SNX24: variants seen among roughly 807,000 people sequenced by gnomAD.
SNX24 encodes sorting nexin-24.
Under a neutral mutation model 28.7 loss-of-function variants are expected in SNX24, and 22 were observed. That is an observed-to-expected ratio of 0.77 (90% CI 0.55 to 1.10). SNX24 has a LOEUF of 1.10. SNX24 is among the 50% of genes least tolerant of loss of function. The pLI is 0.00. For synonymous variants in SNX24, 69 were observed against 71.5 expected, an observed-to-expected ratio of 0.96 and a Z score of 0.18; for missense variants, 221 against 201.1, an observed-to-expected ratio of 1.10 and a Z score of -0.60.
At chr5:122,985,887 T>C (rs1418469017) in intron 3 of SNX24, among the ~76,000 whole-genome samples, 1 of 152,240 alleles carries the variant, frequency 6.6e-6, no homozygotes, top group Non-Finnish European at 1.5e-5. Flanking sequence ...GATACAGTGA[T>C]GATGAGGCGG....
At chr5:122,879,860 A>T (rs1437887227) in intron 1 of SNX24, among the ~76,000 whole-genome samples, 1 of 152,150 alleles carries the variant, frequency 6.6e-6, no homozygotes, top group Non-Finnish European at 1.5e-5. Flanking sequence ...TTTTATAGCT[A>T]TGTTATAGGG....
chr5:122,893,038 T>C (rs755513181), intron 1 of SNX24, among the ~76,000 whole-genome samples: 6 of 152,144 alleles, frequency 3.9e-5, no homozygotes, highest in Non-Finnish European at 7.3e-5. Flanking sequence ...AGTGCTGGGA[T>C]TACAGGCATG....
chr5:122,944,851 A>G (rs13186120), intron 2 of SNX24, among the ~76,000 whole-genome samples: 4,008 of 152,238 alleles, frequency 0.026, 70 homozygotes, highest in Non-Finnish European at 0.037. Context: ...CTTATTCATT[A>G]CTATGCTGTT....
intron 3 of SNX24, among the ~76,000 whole-genome samples, chr5:122,983,983 G>T (rs993250607): frequency 6.6e-6 from 1 of 152,170 alleles, no homozygotes; most frequent in East Asian, 1.9e-4. Context: ...ATTGATATTT[G>T]TTGCTTTACT....
downstream of SNX24, among the ~76,000 whole-genome samples, chr5:123,010,905 G>T (rs1334923018): frequency 6.6e-6 from 1 of 150,732 alleles, no homozygotes; most frequent in Admixed American, 6.6e-5. Flanking sequence ...TATATAAAGT[G>T]CTATTCTCTT....
At chr5:122,882,586 C>T (rs1756529825) in intron 1 of SNX24, among the ~76,000 whole-genome samples, 1 of 152,200 alleles carries the variant, frequency 6.6e-6, no homozygotes, top group African/African-American at 2.4e-5. Flanking sequence ...ATGCTTGGGG[C>T]TCTCTGTGTC....
Position 122,853,734 on chromosome 5 carries a change from C to T in SNX24, c.60+8041C>T, listed in dbSNP as rs187411556. 6.2e-4 allele frequency: 233 copies of T among 374,364 alleles called. 1 individual carries two copies. Among genetic ancestry groups the T allele is most frequent in the South Asian group, 1.6e-3 (80 of 49,974 alleles). 23.2% of individuals were successfully genotyped at this position (374,364 alleles called of 1,614,324 possible). A position where few individuals can be genotyped will look rare whatever the true frequency, so the allele number is the denominator to read the frequency against. On this transcript the variant is annotated intron_variant, in intron 1 of 6. Coordinates refer to ENST00000261369, the MANE Select transcript of SNX24 (RefSeq NM_014035.4). ...AACTCCTGGTCTCAAGCGATCCTACCGCTTCAGCCTCCCAAGATGCTGGCA... is the reference window on the plus strand; with the variant it reads ...AACTCCTGGTCTCAAGCGATCCTACTGCTTCAGCCTCCCAAGATGCTGGCA...
chr5:123,001,792 C>T (rs1389071450), intron 5 of SNX24, 148 bp from the exon 6 acceptor site: 3 of 684,806 alleles, frequency 4.4e-6, no homozygotes, highest in Admixed American at 4.7e-5. Context: ...TTCACTCTTA[C>T]TCTGCGTGCT....
chr5:122,982,840 A>G (rs1390435374), intron 3 of SNX24, among the ~76,000 whole-genome samples: 1 of 152,222 alleles, frequency 6.6e-6, no homozygotes, highest in African/African-American at 2.4e-5. Flanking sequence ...AAGTCTGTCC[A>G]TAGATTTTCT....
At chr5:122,950,816 A>G (rs1306663567) in intron 3 of SNX24, among the ~76,000 whole-genome samples, 6 of 152,166 alleles carry the variant, frequency 3.9e-5, no homozygotes, top group Non-Finnish European at 7.4e-5. Flanking sequence ...GAATATTCTC[A>G]CTGTGGGTTG....
intron 1 of SNX24, among the ~76,000 whole-genome samples, chr5:122,896,400 A>AAGGTAAT (rs1757204474): frequency 6.6e-6 from 1 of 152,174 alleles, no homozygotes; most frequent in African/African-American, 2.4e-5. Flanking sequence ...GACAGGATTT[A>AAGGTAAT]TCATGCACAT....
At chr5:122,955,872 A>G (rs1461081285) in intron 3 of SNX24, among the ~76,000 whole-genome samples, 4 of 152,148 alleles carry the variant, frequency 2.6e-5, no homozygotes, top group African/African-American at 4.8e-5. Flanking sequence ...ACACCTCATT[A>G]CAGCCTTATA....
At position 123,008,262 on chromosome 5, in the gene SNX24, A is replaced by T; in HGVS notation, c.*513A>T. On this transcript the variant is annotated 3_prime_UTR_variant, in exon 7 of 7. Coordinates refer to ENST00000261369, the MANE Select transcript of SNX24 (RefSeq NM_014035.4). Reference sequence around the variant, plus strand: ...CAGACACACACTGCTAAATGTGAAGATGGAACTAAACTGGAAATTAAATTA... The same window carrying T: ...CAGACACACACTGCTAAATGTGAAGTTGGAACTAAACTGGAAATTAAATTA... 1 of 984,994 alleles carries T rather than the reference A, an allele frequency of 1.0e-6. No homozygotes were observed. Among genetic ancestry groups the T allele is most frequent in the Non-Finnish European group, 1.2e-6 (1 of 829,458 alleles). 61.0% of individuals were successfully genotyped at this position (984,994 alleles called of 1,614,324 possible). A position where few individuals can be genotyped will look rare whatever the true frequency, so the allele number is the denominator to read the frequency against.
chr5:122,855,431 C>A (rs367768), intron 1 of SNX24, among the ~76,000 whole-genome samples: 94,152 of 151,658 alleles, frequency 0.62, 30,133 homozygotes, highest in African/African-American at 0.78. Context: ...TGAAACATTT[C>A]TCTGTAGCAT....
chr5:123,008,765 C>A lies in SNX24; in HGVS notation c.*1016C>A. ...GTTATTTTCCTTACGGCTTCCTTTT[C>A]ACTGACCTCATTTGTTGAGTTAATG... On this transcript the variant is annotated 3_prime_UTR_variant, in exon 7 of 7. Transcript: ENST00000261369. The A allele has an allele frequency of 1.6e-6, 1 of 635,382 alleles. No individual in the cohort carries two copies. Among genetic ancestry groups the A allele is most frequent in the Non-Finnish European group, 2.0e-6 (1 of 510,560 alleles). The allele number at this position is 635,382 out of a possible 1,614,324, so 39.4% of individuals were successfully genotyped here. A position where few individuals can be genotyped will look rare whatever the true frequency, so the allele number is the denominator to read the frequency against.
intron 2 of SNX24, among the ~76,000 whole-genome samples, chr5:122,938,178 A>G (rs978707522): frequency 1.3e-5 from 2 of 152,160 alleles, no homozygotes; most frequent in Non-Finnish European, 2.9e-5. Flanking sequence ...AAGCCTGCCC[A>G]GAGCACGAGG....
intron 1 of SNX24, among the ~76,000 whole-genome samples, chr5:122,914,104 G>T (rs933756878): frequency 2.0e-5 from 3 of 152,206 alleles, no homozygotes; most frequent in African/African-American, 7.2e-5. Flanking sequence ...ACCATGGAAA[G>T]AGAGGAAGAG....
chr5:122,889,318 A>G (rs1193762260), intron 1 of SNX24, among the ~76,000 whole-genome samples: 1 of 151,974 alleles, frequency 6.6e-6, no homozygotes, highest in Non-Finnish European at 1.5e-5. Flanking sequence ...ATCTATATCT[A>G]TATCTATATA....
chr5:123,009,447 A>C (rs912375068), downstream of SNX24, among the ~76,000 whole-genome samples: 1 of 152,262 alleles, frequency 6.6e-6, no homozygotes, highest in Non-Finnish European at 1.5e-5. Flanking sequence ...CCAAGTATCT[A>C]TAGTGGTACA....
Sources: gnomAD v4.1 joint callset for allele counts (sites outside exome capture counted in the v4.1 genomes callset) on GRCh38, gnomAD v4.1.1 for gene constraint, MANE v1.5 for transcripts, NCBI Gene and HGNC (gene_info 2026-07-23, HGNC 2026-07-21) for gene names.